The following ZNF248 variants were observed in gnomAD, a reference collection of about 807,000 sequenced individuals.
ZNF248 encodes the protein zinc finger protein 248.
ZNF248 carries 20 observed loss-of-function variants against 44.3 expected under a neutral mutation model. That is an observed-to-expected ratio of 0.45 (90% CI 0.32 to 0.66). The LOEUF (loss-of-function observed/expected upper bound fraction) is 0.66, where lower values mean the gene tolerates loss of function less well. Ranked by LOEUF, ZNF248 falls within the 30% of genes least tolerant of loss-of-function variation. The pLI, the probability that ZNF248 is intolerant of heterozygous loss-of-function variation, is 0.04. For missense variants in ZNF248, 654 were observed against 677.0 expected, an observed-to-expected ratio of 0.97 and a Z score of 0.38; for synonymous variants, 224 against 229.0, an observed-to-expected ratio of 0.98 and a Z score of 0.20.
intron 3 of ZNF248, among the ~76,000 whole-genome samples, chr10:37,853,408 C>T (rs537229274): frequency 5.3e-5 from 8 of 152,274 alleles, no homozygotes; most frequent in Admixed American, 2.6e-4. Context: ...GACGGAGTCT[C>T]GCTCTGTCGC....
rs2055390159 is a variant in ZNF248 at position 37,830,709 on chromosome 10, GT to G, written c.*905del. 1.6e-6 allele frequency: 1 copy of G among 629,500 alleles called. No individual in the cohort carries two copies. The highest frequency in any genetic ancestry group is 2.0e-6 in the Non-Finnish European group (1 of 505,144). 39.0% of individuals were successfully genotyped at this position (629,500 alleles called of 1,614,324 possible). A position where few individuals can be genotyped will look rare whatever the true frequency, so the allele number is the denominator to read the frequency against. On this transcript the variant is annotated 3_prime_UTR_variant, in exon 6 of 6. Transcript: ENST00000395867. Reference sequence around the variant, plus strand: ...TCCATGGTGTAAACACTCCCACTAAGTCCAAGCTACCAAGACAGCACTGAAT... The same window carrying G: ...TCCATGGTGTAAACACTCCCACTAAGCCAAGCTACCAAGACAGCACTGAAT...
Position 37,832,082 on chromosome 10 carries a change from T to G in ZNF248, c.1273A>C (p.Asn425His), listed in dbSNP as rs2055827291. 1.2e-6 allele frequency: 2 copies of G among 1,613,668 alleles called. No individual in the cohort carries two copies. The highest frequency in any genetic ancestry group is 1.7e-5 in the Admixed American group (1 of 59,950). ...KAFCQKPHLT[N>H]HQRTHTGEKP... ...TCTCCTGTATGTGTTCGCTGATGGT[T>G]GGTCAGGTGTGGTTTCTGGCAAAAG... The change falls in exon 6 of 6, where the codon AAC becomes CAC. Residue 425 changes from asparagine (N) to histidine (H), a missense_variant. Coordinates refer to ENST00000395867, the MANE Select transcript of ZNF248 (RefSeq NM_021045.3).
At chr10:37,822,336 A>C (rs1455721797) in intron 6 of ZNF248, among the ~76,000 whole-genome samples, 5 of 152,194 alleles carry the variant, frequency 3.3e-5, no homozygotes, top group Non-Finnish European at 1.5e-5. Context: ...AACAACAATT[A>C]AAGTGTCATC....
downstream of ZNF248, among the ~76,000 whole-genome samples, chr10:37,824,428 T>C (rs1238989043): frequency 6.6e-6 from 1 of 152,084 alleles, no homozygotes; most frequent in Admixed American, 6.6e-5. Flanking sequence ...AGTTGACATA[T>C]AAAATTAACC....
At chr10:37,770,693 A>G in the ZNF248 span, among the ~76,000 whole-genome samples, 3 of 152,234 alleles carry the variant, frequency 2.0e-5, no homozygotes, top group African/African-American at 4.8e-5. Flanking sequence ...AGGCAATACC[A>G]TTCAGGACAC....
chr10:37,835,114 G>T (rs1327133146), intron 5 of ZNF248, among the ~76,000 whole-genome samples: 1 of 151,514 alleles, frequency 6.6e-6, no homozygotes, highest in Non-Finnish European at 1.5e-5. Context: ...AAGATAAATT[G>T]AATAATTTAG....
rs995514896 is a variant in ZNF248 at position 37,837,505 on chromosome 10, T to C, written c.238+112A>G. 4.1e-4 allele frequency: 335 copies of C among 823,882 alleles called. 2 individuals are homozygous for C. The highest frequency in any genetic ancestry group is 9.4e-5 in the Non-Finnish European group (49 of 518,868). 51.0% of individuals were successfully genotyped at this position (823,882 alleles called of 1,614,324 possible). ...TTGTTTTTGATCATTTCCAAAGGTCTGGGGCTAAAAAGAGACATTTGTGAA... is the reference window on the plus strand; with the variant it reads ...TTGTTTTTGATCATTTCCAAAGGTCCGGGGCTAAAAAGAGACATTTGTGAA... On this transcript the variant is annotated intron_variant, in intron 5 of 5. Transcript: ENST00000395867.
chr10:37,798,897 A>G lies in ZNF248; in HGVS notation c.331-22322T>C, dbSNP rs1342062826. Among the ~76,000 whole-genome samples, 3 of 152,124 alleles carry G rather than the reference A, an allele frequency of 2.0e-5. No individual in the cohort carries two copies. In the East Asian group the frequency reaches 5.8e-4, roughly 29 times the overall value. On this transcript the variant is annotated intron_variant, in intron 6 of 6. Coordinates refer to the ZNF248 transcript ENST00000615949. ...TTTCAAAATGTAAGTACATTGCCCA[A>G]CCTATATGCACACACAGAAAAATAA...
chr10:37,772,398 T>C (rs1279820786), downstream of ZNF248, among the ~76,000 whole-genome samples: 1 of 152,172 alleles, frequency 6.6e-6, no homozygotes, highest in Non-Finnish European at 1.5e-5. Context: ...ATAATATATA[T>C]TGCCACCAGA....
rs771875971 is a variant in ZNF248 at position 37,837,975 on chromosome 10, A to C, written c.142+10T>G. 26 of 1,611,468 alleles carry C rather than the reference A, an allele frequency of 1.6e-5. No individual in the cohort carries two copies. Among genetic ancestry groups the C allele is most frequent in the Non-Finnish European group, 1.6e-5 (19 of 1,178,658 alleles). On this transcript the variant is annotated intron_variant, in intron 4 of 5. Coordinates refer to ENST00000395867, the MANE Select transcript of ZNF248 (RefSeq NM_021045.3). Reference sequence around the variant, plus strand: ...CTATTGATAGCCATGTGCGGAAAAAAACTCCTTACCTACTGAGACAAGATT... The same window carrying C: ...CTATTGATAGCCATGTGCGGAAAAACACTCCTTACCTACTGAGACAAGATT...
downstream of ZNF248, among the ~76,000 whole-genome samples, chr10:37,827,642 G>C (rs1297931689): frequency 6.6e-6 from 1 of 152,170 alleles, no homozygotes; most frequent in Non-Finnish European, 1.5e-5. Flanking sequence ...CTGGACGAGA[G>C]ATGAAGATTC....
the ZNF248 span, among the ~76,000 whole-genome samples, chr10:37,766,997 T>A: frequency 6.6e-6 from 1 of 152,210 alleles, no homozygotes; most frequent in Non-Finnish European, 1.5e-5. Flanking sequence ...CAGGAGCCGA[T>A]GCAATCAACT....
chr10:37,764,208 G>A, the ZNF248 span, among the ~76,000 whole-genome samples: 1 of 152,128 alleles, frequency 6.6e-6, no homozygotes, highest in Non-Finnish European at 1.5e-5. Flanking sequence ...TCTCTAAAAT[G>A]GCTGCTCTGG....
chr10:37,765,355 T>C, the ZNF248 span, among the ~76,000 whole-genome samples: 1 of 152,222 alleles, frequency 6.6e-6, no homozygotes, highest in East Asian at 1.9e-4. Context: ...GTCTCCAAAG[T>C]ATTTGATGAC....
intron 6 of ZNF248, among the ~76,000 whole-genome samples, chr10:37,804,427 T>C (rs2050257019): frequency 6.6e-6 from 1 of 151,970 alleles, no homozygotes; most frequent in African/African-American, 2.4e-5. Context: ...TTATTTATTT[T>C]ATGTATTTAT....
At chr10:37,816,659 G>A (rs1045891450) in intron 6 of ZNF248, among the ~76,000 whole-genome samples, 3 of 152,064 alleles carry the variant, frequency 2.0e-5, no homozygotes, top group African/African-American at 7.2e-5. Flanking sequence ...TCAAAATCTC[G>A]TTTTTGAGTA....
intron 3 of ZNF248, among the ~76,000 whole-genome samples, chr10:37,842,212 A>C (rs1385407383): frequency 6.6e-6 from 1 of 152,160 alleles, no homozygotes; most frequent in Non-Finnish European, 1.5e-5. Context: ...TTTATATAAT[A>C]AGAAAGAAAC....
At position 37,832,219 on chromosome 10, in the gene ZNF248, G is replaced by C. The variant is rs745578395; in HGVS notation, c.1136C>G (p.Thr379Ser). 6 of 1,614,058 alleles carry C rather than the reference G, an allele frequency of 3.7e-6. No individual in the cohort carries two copies. The East Asian group carries it at 1.3e-4, about 36-fold the overall frequency. ...TTTCCCACATTCACCACATTCAAAG[G>C]TTTTTTCTCCTGTGTGAGCTCTCCG... The part of the protein sequence containing the change: ...QLRRAHTGEK[T>S]FECGECGKTF... The change falls in exon 6 of 6, where the codon ACC becomes AGC. Residue 379 changes from threonine (T) to serine (S), a missense_variant. Coordinates refer to ENST00000395867, the MANE Select transcript of ZNF248 (RefSeq NM_021045.3).
rs751891361 is a variant in ZNF248, at chr10:37,830,516, C to T, written c.*1099G>A. On this transcript the variant is annotated 3_prime_UTR_variant, in exon 6 of 6. Transcript: ENST00000395867. ...ATATTTTTGGCTTCTTTCTTGAAGA[C>T]GTGGTTCAGCTGTAAATGGCCATAG... is the stretch of plus-strand genomic sequence containing the variant. 37 of 985,268 alleles carry T rather than the reference C, an allele frequency of 3.8e-5. No homozygotes were observed. Among genetic ancestry groups the T allele is most frequent in the Admixed American group, 1.2e-4 (2 of 16,260 alleles). 61.0% of individuals were successfully genotyped at this position (985,268 alleles called of 1,614,324 possible).
Sources: gnomAD v4.1 joint callset for allele counts (sites outside exome capture counted in the v4.1 genomes callset) on GRCh38, gnomAD v4.1.1 for gene constraint, MANE v1.5 for transcripts, NCBI Gene and HGNC (gene_info 2026-07-23, HGNC 2026-07-21) for gene names.